The following ARHGAP39 variants were observed in gnomAD, a reference collection of about 807,000 sequenced individuals.
ARHGAP39 encodes the protein rho GTPase-activating protein 39.
In ARHGAP39, 44 loss-of-function variants were observed where a neutral mutation model predicts 106.9. The observed-to-expected ratio is 0.41, with a 90% CI of 0.32 to 0.53. ARHGAP39 has a LOEUF of 0.53. Among genes scored for constraint, ARHGAP39 ranks in the 20% least tolerant of loss-of-function variants. The pLI, the probability that ARHGAP39 is intolerant of heterozygous loss-of-function variation, is 0.21. For missense variants in ARHGAP39, 1,496 were observed against 1,577.3 expected (o/e 0.95, Z 0.87); for synonymous variants, 768 against 693.2 (o/e 1.11, Z -1.69).
At chr8:144,534,293 C>T (rs2130818739) in intron 7 of ARHGAP39, 91 bp from the exon 8 acceptor site, 1 of 1,452,124 alleles carries the variant, frequency 6.9e-7, no homozygotes, top group East Asian at 2.3e-5. Flanking sequence ...TTCGAGGGCC[C>T]TGGGGGGCTG....
At chr8:144,668,360 G>A (rs1044775176) in intron 1 of ARHGAP39, among the ~76,000 whole-genome samples, 1 of 152,206 alleles carries the variant, frequency 6.6e-6, no homozygotes, top group Non-Finnish European at 1.5e-5. Flanking sequence ...AGGAGAGCTT[G>A]AGCCCAGGAG....
In ARHGAP39 at chr8:144,638,649, C is replaced by T. The variant is rs117160263; in HGVS notation, c.-81-32954G>A. 7.5e-3 allele frequency among the ~76,000 whole-genome samples: 1,145 copies of T among 152,322 alleles called. 6 individuals carry two copies. The highest frequency in any genetic ancestry group is 0.012 in the Non-Finnish European group (790 of 68,018). On this transcript the variant is annotated intron_variant, in intron 1 of 11. Coordinates refer to ENST00000377307, the MANE Select transcript of ARHGAP39 (RefSeq NM_025251.3). ...ATTTAACCTATTGATTGGTCTCTTT[C>T]AAATCTTCCTGATCACTCCTGCTGA...
upstream of ARHGAP39, among the ~76,000 whole-genome samples, chr8:144,687,319 G>A (rs1316878547): frequency 4.1e-4 from 14 of 34,300 alleles, no homozygotes; most frequent in African/African-American, 7.6e-4. Flanking sequence ...ACGCACTGGC[G>A]GCGAGCACTT....
At chr8:144,536,232 G>T (rs1043851280) in intron 7 of ARHGAP39, among the ~76,000 whole-genome samples, 3 of 152,158 alleles carry the variant, frequency 2.0e-5, no homozygotes, top group African/African-American at 7.2e-5. Context: ...GCCCACAGAG[G>T]CACCAACAGC....
chr8:144,617,928 C>T (rs967903048), intron 1 of ARHGAP39, among the ~76,000 whole-genome samples: 77 of 152,080 alleles, frequency 5.1e-4, no homozygotes, highest in African/African-American at 1.8e-3. Flanking sequence ...ACCACAGGTG[C>T]GAGCCACCAC....
In ARHGAP39 at chr8:144,641,908, G is replaced by C. The variant is rs1821321442; in HGVS notation, c.-81-36213C>G. 6.6e-6 allele frequency among the ~76,000 whole-genome samples: 1 copy of C among 152,170 alleles called. No homozygotes were observed. Among genetic ancestry groups the C allele is most frequent in the African/African-American group, 2.4e-5 (1 of 41,442 alleles). On this transcript the variant is annotated intron_variant, in intron 1 of 11. Transcript: ENST00000377307. The surrounding 1 kb of genome is among the most constrained non-coding windows in gnomAD (Gnocchi z 5.2). ...TGCAGCCACCCACTACCTCATCCTT[G>C]GCCCCTCGGCATACCCACCTGCAAA...
intron 4 of ARHGAP39, among the ~76,000 whole-genome samples, chr8:144,550,913 T>C (rs987507246): frequency 1.3e-5 from 2 of 152,242 alleles, no homozygotes; most frequent in African/African-American, 4.8e-5. Flanking sequence ...GCTCTGTGGC[T>C]GCAAGGCTTG....
the ARHGAP39 span, among the ~76,000 whole-genome samples, chr8:144,690,937 C>T: frequency 6.6e-6 from 1 of 151,986 alleles, no homozygotes; most frequent in Non-Finnish European, 1.5e-5. Flanking sequence ...GGATTACAGG[C>T]ATGAGCCACC....
chr8:144,597,374 T>A (rs1179510153), intron 2 of ARHGAP39, among the ~76,000 whole-genome samples: 1 of 152,102 alleles, frequency 6.6e-6, no homozygotes, highest in East Asian at 1.9e-4. Flanking sequence ...CCTGTCTCCA[T>A]CTAGAAGAGC....
chr8:144,605,075 C>T (rs1332117445), intron 2 of ARHGAP39, among the ~76,000 whole-genome samples: 1 of 152,116 alleles, frequency 6.6e-6, no homozygotes, highest in Non-Finnish European at 1.5e-5. Context: ...GAGACCAGCC[C>T]AAGCAACAGA....
Position 144,667,089 on chromosome 8 carries a change from G to C in ARHGAP39, c.-82+18597C>G, listed in dbSNP as rs150757624. Among the ~76,000 whole-genome samples the C allele has an allele frequency of 3.3e-5, 5 of 152,256 alleles. No homozygotes were observed. In the East Asian group the frequency reaches 9.6e-4, roughly 29 times the overall value. ...AATGTTTTGTTTATTCTAAATATAA[G>C]AGTTCAGACTCACATTCTATTAAAA... On this transcript the variant is annotated intron_variant, in intron 1 of 11. Transcript: ENST00000377307.
At chr8:144,648,119 G>A (rs1821488967) in intron 1 of ARHGAP39, among the ~76,000 whole-genome samples, 1 of 152,142 alleles carries the variant, frequency 6.6e-6, no homozygotes, top group African/African-American at 2.4e-5. Context: ...CTACCCTGAG[G>A]ACACCATGCT....
At chr8:144,601,477 A>T (rs1469470723) in intron 2 of ARHGAP39, among the ~76,000 whole-genome samples, 1 of 92,678 alleles carries the variant, frequency 1.1e-5, no homozygotes, top group Non-Finnish European at 2.1e-5. Flanking sequence ...TGTGTGTGCG[A>T]GCTCATGTAC....
At chr8:144,588,595 C>T (rs976685734) in intron 2 of ARHGAP39, among the ~76,000 whole-genome samples, 1 of 152,218 alleles carries the variant, frequency 6.6e-6, no homozygotes, top group Non-Finnish European at 1.5e-5. Context: ...TCTGGAGAAA[C>T]TCGGCCCAGG....
rs929246994 is a variant in ARHGAP39, at chr8:144,580,868, T to C, written c.490A>G (p.Thr164Ala). 13 of 1,576,956 alleles carry C rather than the reference T, an allele frequency of 8.2e-6. No homozygotes were observed. Among genetic ancestry groups the C allele is most frequent in the Non-Finnish European group, 1.1e-5 (13 of 1,168,610 alleles). Residue 164 changes from threonine to alanine, a missense_variant, in exon 3 of 12, where the codon ACA becomes GCA. Thr to Ala is a moderately conservative substitution (Grantham distance 58, BLOSUM62 0). Around this residue, in one of 4 missense-constraint regions of ARHGAP39, gnomAD observed 905 missense variants for 816.4 expected, o/e 1.11. Coordinates refer to ENST00000377307, the MANE Select transcript of ARHGAP39 (RefSeq NM_025251.3). ...CACCTGCCGCTGTCCTCCTTCACTG[T>C]CCCAAACGCCGCGGGCCGCCCGGCC... is the stretch of plus-strand genomic sequence containing the variant. The part of the protein sequence containing the change: ...ARAGRPAAFG[T>A]VKEDSGSSSP...
In ARHGAP39 at chr8:144,684,673, G is replaced by T. The variant is rs892416799; in HGVS notation, c.-82+1013C>A. 2.0e-5 allele frequency among the ~76,000 whole-genome samples: 3 copies of T among 152,180 alleles called. No individual in the cohort carries two copies. The highest frequency in any genetic ancestry group is 4.8e-5 in the African/African-American group (2 of 41,440). On this transcript the variant is annotated intron_variant, in intron 1 of 11. Coordinates refer to ENST00000377307, the MANE Select transcript of ARHGAP39 (RefSeq NM_025251.3). The surrounding 1 kb of genome is among the most constrained non-coding windows in gnomAD (Gnocchi z 4.4). Reference sequence around the variant, plus strand: ...TCCTGGGCCCCAAAATGCACAGCCCGCCTCTCTCGCCGCCCTGGGCACGGA... The same window carrying T: ...TCCTGGGCCCCAAAATGCACAGCCCTCCTCTCTCGCCGCCCTGGGCACGGA...
intron 2 of ARHGAP39, among the ~76,000 whole-genome samples, chr8:144,597,437 G>A (rs1819662783): frequency 6.6e-6 from 1 of 152,204 alleles, no homozygotes; most frequent in Non-Finnish European, 1.5e-5. Flanking sequence ...AGCTGGGGAG[G>A]AACACAGGAC....
chr8:144,570,033 C>T (rs1224305001), intron 3 of ARHGAP39, among the ~76,000 whole-genome samples: 1 of 152,072 alleles, frequency 6.6e-6, no homozygotes, highest in Non-Finnish European at 1.5e-5. Context: ...CCAGCCTGGC[C>T]AACATGGTAA....
At chr8:144,698,313 A>G in the ARHGAP39 span, among the ~76,000 whole-genome samples, 1 of 152,196 alleles carries the variant, frequency 6.6e-6, no homozygotes, top group Non-Finnish European at 1.5e-5. Context: ...CCTCACCAGT[A>G]GATACTGGTG....
Sources: gnomAD v4.1 joint callset for allele counts (sites outside exome capture counted in the v4.1 genomes callset) on GRCh38, gnomAD v4.1.1 for gene constraint, gnomAD v4.1.1 regional missense constraint, Gnocchi (gnomAD v3.1) non-coding constraint, MANE v1.5 for transcripts, NCBI Gene and HGNC (gene_info 2026-07-23, HGNC 2026-07-21) for gene names.